EPC2: variants seen among roughly 807,000 people sequenced by gnomAD.
The protein encoded by EPC2 is enhancer of polycomb 2, also known as enhancer of polycomb homolog 2.
A neutral mutation model predicts 92.1 loss-of-function variants in EPC2; 14 were observed. The ratio of observed to expected loss-of-function variants is 0.15; its 90% CI spans 0.10 to 0.24. EPC2 has a LOEUF of 0.24. Ranked by LOEUF, EPC2 falls within the 10% of genes least tolerant of loss-of-function variation. EPC2 has a pLI of 1.00. For synonymous variants in EPC2, 340 were observed against 334.7 expected (o/e 1.02, Z -0.17); for missense variants, 755 against 971.5 (o/e 0.78, Z 2.96).
intron 11 of EPC2, among the ~76,000 whole-genome samples, chr2:148,782,924 GCT>G: frequency 1.3e-5 from 2 of 152,262 alleles, no homozygotes; most frequent in South Asian, 4.1e-4. Flanking sequence ...TATTTTGTGA[GCT>G]CTCAGGCTAG....
At chr2:148,672,422 A>G (rs1681172881) in intron 1 of EPC2, among the ~76,000 whole-genome samples, 2 of 152,088 alleles carry the variant, frequency 1.3e-5, no homozygotes, top group Admixed American at 1.3e-4. Context: ...TATCTCTCAC[A>G]TGCTGACTTC....
intron 2 of EPC2, among the ~76,000 whole-genome samples, chr2:148,696,231 T>A (rs6735328): frequency 6.6e-6 from 1 of 152,090 alleles, no homozygotes; most frequent in Non-Finnish European, 1.5e-5. Flanking sequence ...GGAGGATCAC[T>A]TGAGTCCAGA....
chr2:148,676,742 T>TACATAAGTAATTC (rs1227441062), intron 1 of EPC2, among the ~76,000 whole-genome samples: 1 of 151,800 alleles, frequency 6.6e-6, no homozygotes, highest in Non-Finnish European at 1.5e-5. Context: ...TAGTGTAATT[T>TACATAAGTAATTC]ACATAAGTAA....
intron 10 of EPC2, among the ~76,000 whole-genome samples, chr2:148,771,787 G>A (rs150311559): frequency 3.7e-4 from 56 of 150,828 alleles, no homozygotes; most frequent in African/African-American, 1.2e-3. Flanking sequence ...AATTTTAGGA[G>A]ACTCCCTGTG....
chr2:148,644,895 G>A lies in EPC2; in HGVS notation c.-123G>A. The stretch of plus-strand genomic sequence containing the variant: ...TGCTGTGGCCGGGGGCAGTGAGGAG[G>A]AGGAGGAGCGGGCCGGCCGCGCTGC... On this transcript the variant is annotated 5_prime_UTR_variant, in exon 1 of 14. Transcript: ENST00000258484. The A allele has an allele frequency of 4.8e-6, 4 of 825,438 alleles. No individual in the cohort carries two copies. In the South Asian group the frequency reaches 5.0e-5, roughly 10 times the overall value. The allele number at this position is 825,438 out of a possible 1,614,324, so 51.1% of individuals were successfully genotyped here.
intron 1 of EPC2, among the ~76,000 whole-genome samples, chr2:148,680,991 T>C (rs1681382081): frequency 6.6e-6 from 1 of 152,154 alleles, no homozygotes; most frequent in African/African-American, 2.4e-5. Context: ...AGATGAGACA[T>C]GTTTGTCAAG....
chr2:148,703,181 G>A (rs1263962159), intron 2 of EPC2, among the ~76,000 whole-genome samples: 1 of 151,974 alleles, frequency 6.6e-6, no homozygotes, highest in Admixed American at 6.6e-5. Context: ...AGTATTTTTG[G>A]TAGTCTGTTA....
chr2:148,762,685 C>G lies in EPC2; in HGVS notation c.831C>G (p.Asp277Glu). The change falls in exon 6 of 14, where the codon GAC (aspartate) becomes GAG (glutamate). Residue 277 changes from aspartate to glutamate, a missense_variant. Physicochemically the swap from Asp to Glu is conservative, Grantham distance 45. Around this residue, in one of 4 missense-constraint regions of EPC2, gnomAD observed 509 missense variants for 607.7 expected, o/e 0.84. Transcript: ENST00000258484. ...EVVEKRYHLG[D>E]YGGEILNEVK... is the part of the protein sequence containing the mutation. ...CCTTTTCAAGATACCATTTGGGAGA[C>G]TATGGTGGTGAAATCCTTAATGAAG... 1 of 1,602,266 alleles carries G rather than the reference C, an allele frequency of 6.2e-7. No individual in the cohort carries two copies. Among genetic ancestry groups the G allele is most frequent in the Non-Finnish European group, 8.5e-7 (1 of 1,173,818 alleles).
At position 148,786,477 on chromosome 2, in the gene EPC2, T is replaced by G. The variant is rs1558841379; in HGVS notation, c.*100T>G. 2 of 851,910 alleles carry G rather than the reference T, an allele frequency of 2.3e-6. No homozygotes were observed. The highest frequency in any genetic ancestry group is 3.8e-6 in the Non-Finnish European group (2 of 523,168). The allele number at this position is 851,910 out of a possible 1,614,324, so 52.8% of individuals were successfully genotyped here. A position where few individuals can be genotyped will look rare whatever the true frequency, so the allele number is the denominator to read the frequency against. The stretch of plus-strand genomic sequence containing the variant: ...CTCTGTGGATCACAGAGTGTAACAA[T>G]GGACCTAAATGGACTATAGTATATT... On this transcript the variant is annotated 3_prime_UTR_variant, in exon 14 of 14. Transcript: ENST00000258484.
chr2:148,658,515 G>A (rs1316299025), intron 1 of EPC2, among the ~76,000 whole-genome samples: 3 of 151,956 alleles, frequency 2.0e-5, no homozygotes, highest in Non-Finnish European at 4.4e-5. Flanking sequence ...GTCTGCAAGT[G>A]ACTGAGAAAC....
chr2:148,744,994 C>CG (rs958697689), intron 3 of EPC2, among the ~76,000 whole-genome samples: 4 of 115,170 alleles, frequency 3.5e-5, no homozygotes, highest in Admixed American at 1.7e-4. Context: ...AGTTTGCCCC[C>CG]CCCCCCCGCA....
Position 148,740,636 on chromosome 2 carries a change from G to A in EPC2, c.314-2986G>A, listed in dbSNP as rs1011038330. Among the ~76,000 whole-genome samples the A allele has an allele frequency of 3.3e-5, 5 of 152,140 alleles. 1 individual carries two copies. In the South Asian group the frequency reaches 1.0e-3, roughly 31 times the overall value. On this transcript the variant is annotated intron_variant, in intron 2 of 13. Coordinates refer to ENST00000258484, the MANE Select transcript of EPC2 (RefSeq NM_015630.4). ...GAATAAGAAGATAGAGCAGATAGGA[G>A]GTGGAGGAACAAGAGGTGAGTAAGA...
intron 7 of EPC2, 54 bp downstream of exon 7, chr2:148,765,200 A>G: frequency 2.4e-6 from 3 of 1,275,790 alleles, no homozygotes; most frequent in East Asian, 5.4e-5. Flanking sequence ...TTATATTGCT[A>G]TATTTTTAAA....
intron 10 of EPC2, among the ~76,000 whole-genome samples, chr2:148,776,713 A>G (rs1469808949): frequency 6.6e-6 from 1 of 152,154 alleles, no homozygotes; most frequent in Non-Finnish European, 1.5e-5. Context: ...TCTTTGAGAA[A>G]GCATATACCA....
chr2:148,771,183 C>T lies in EPC2; in HGVS notation c.1516C>T (p.His506Tyr). 1 of 1,613,952 alleles carries T rather than the reference C, an allele frequency of 6.2e-7. No homozygotes were observed. The change falls in exon 10 of 14, where the codon CAT becomes TAT. Residue 506 changes from histidine to tyrosine, a missense_variant. This residue lies in a region of EPC2 where 509 missense variants were observed against 607.7 expected (regional missense o/e 0.84). Coordinates refer to ENST00000258484, the MANE Select transcript of EPC2 (RefSeq NM_015630.4). ...CTCTCGGACCAATGCTTCCAGTAAA[C>T]ATTGTGAAAATAGACTGTCTCTTTC... ...NFSRTNASSKHCENRLSLSEI... is the reference protein window; with the variant it reads ...NFSRTNASSKYCENRLSLSEI...
At chr2:148,699,992 C>T (rs1033447678) in intron 2 of EPC2, among the ~76,000 whole-genome samples, 1 of 152,058 alleles carries the variant, frequency 6.6e-6, no homozygotes, top group African/African-American at 2.4e-5. Context: ...ATGTTGATCA[C>T]CTTTTTGTTT....
At chr2:148,747,202 T>C (rs1052236634) in intron 3 of EPC2, among the ~76,000 whole-genome samples, 11 of 152,014 alleles carry the variant, frequency 7.2e-5, no homozygotes, top group Non-Finnish European at 1.0e-4. Context: ...TCTCCACTTA[T>C]CACACATTCC....
intron 7 of EPC2, among the ~76,000 whole-genome samples, chr2:148,768,497 T>A (rs1014249917): frequency 3.9e-5 from 6 of 152,232 alleles, no homozygotes; most frequent in Admixed American, 2.6e-4. Context: ...TGAAAGTCTT[T>A]ATTCTTTTGC....
At chr2:148,683,124 T>A (rs1474273858) in intron 1 of EPC2, among the ~76,000 whole-genome samples, 1 of 152,100 alleles carries the variant, frequency 6.6e-6, no homozygotes, top group East Asian at 1.9e-4. Flanking sequence ...CAGGTGGTGT[T>A]TGCTTGCTTG....
Sources: allele counts gnomAD v4.1 joint callset (sites outside exome capture counted in the v4.1 genomes callset), GRCh38; gene constraint gnomAD v4.1.1; regional missense constraint gnomAD v4.1.1; transcripts MANE v1.5; gene names NCBI Gene and HGNC (gene_info 2026-07-23, HGNC 2026-07-21).